ZFHX3: variants seen among roughly 807,000 people sequenced by gnomAD.
ZFHX3 encodes zinc finger homeobox protein 3.
Under a neutral mutation model 279.1 loss-of-function variants are expected in ZFHX3, and 42 were observed. The ratio of observed to expected loss-of-function variants is 0.15; its 90% CI spans 0.12 to 0.19. ZFHX3 has a LOEUF of 0.19. Among genes scored for constraint, ZFHX3 ranks in the 10% least tolerant of loss-of-function variants. The probability of loss-of-function intolerance (pLI) is 1.00; values close to 1 mark genes in which losing one functional copy is unlikely to be tolerated. For synonymous variants in ZFHX3, 2,293 were observed against 1,957.8 expected (o/e 1.17, Z -4.52); for missense variants, 4,981 against 4,754.0 (o/e 1.05, Z -1.40).
intron 2 of ZFHX3, among the ~76,000 whole-genome samples, chr16:73,556,135 G>A (rs1352103153): frequency 6.6e-6 from 1 of 152,164 alleles, no homozygotes; most frequent in Non-Finnish European, 1.5e-5. Flanking sequence ...GGCCTTAATT[G>A]GACCTCTGGA....
chr16:73,550,026 G>C (rs923643097), intron 2 of ZFHX3, among the ~76,000 whole-genome samples: 2 of 151,998 alleles, frequency 1.3e-5, no homozygotes, highest in African/African-American at 4.8e-5. Context: ...CTGTTCAGAC[G>C]GGCGAGGGGT....
intron 1 of ZFHX3, among the ~76,000 whole-genome samples, chr16:73,836,337 A>G (rs933608158): frequency 6.6e-6 from 1 of 152,202 alleles, no homozygotes; most frequent in Non-Finnish European, 1.5e-5. Flanking sequence ...ACATCAGAAA[A>G]AAACTGAGTA....
chr16:72,917,037 G>C (rs996164950), intron 3 of ZFHX3, among the ~76,000 whole-genome samples: 1 of 152,114 alleles, frequency 6.6e-6, no homozygotes, highest in East Asian at 1.9e-4. Context: ...CAAGGAGTTC[G>C]AGACCAGCCT....
chr16:73,260,143 A>C (rs776753533), intron 4 of ZFHX3, among the ~76,000 whole-genome samples: 4 of 152,178 alleles, frequency 2.6e-5, no homozygotes, highest in Non-Finnish European at 4.4e-5. Context: ...ATTTTGAAGA[A>C]TATCCCTCAT....
intron 1 of ZFHX3, among the ~76,000 whole-genome samples, chr16:73,002,373 C>G (rs1398550496): frequency 6.6e-6 from 1 of 152,098 alleles, no homozygotes; most frequent in African/African-American, 2.4e-5. Context: ...CCCCTAAGTC[C>G]TTCCACAAAG....
chr16:73,622,256 C>A (rs1325974530), intron 2 of ZFHX3, among the ~76,000 whole-genome samples: 4 of 152,142 alleles, frequency 2.6e-5, no homozygotes, highest in Non-Finnish European at 4.4e-5. Context: ...TTGGAGAGTT[C>A]TCTGTAAGAA....
intron 3 of ZFHX3, among the ~76,000 whole-genome samples, chr16:72,905,458 A>G (rs1020966227): frequency 6.6e-6 from 1 of 152,106 alleles, no homozygotes; most frequent in African/African-American, 2.4e-5. Context: ...TGTTATTTAC[A>G]TAGGTTTACT....
At chr16:73,833,540 T>C (rs550301693) in intron 1 of ZFHX3, among the ~76,000 whole-genome samples, 1 of 151,456 alleles carries the variant, frequency 6.6e-6, no homozygotes, top group South Asian at 2.1e-4. Flanking sequence ...CACTCATAAG[T>C]GGGAGTTGAA....
chr16:72,903,589 T>C (rs1228378513), intron 3 of ZFHX3, among the ~76,000 whole-genome samples: 2 of 152,150 alleles, frequency 1.3e-5, no homozygotes, highest in Non-Finnish European at 2.9e-5. Flanking sequence ...GGAACTATTA[T>C]TCTAGCCCAC....
intron 3 of ZFHX3, among the ~76,000 whole-genome samples, chr16:73,416,069 G>A (rs1350129516): frequency 4.8e-5 from 7 of 146,756 alleles, no homozygotes; most frequent in East Asian, 2.0e-4. Context: ...GTGCTGAGCC[G>A]AGAGATAATG....
At chr16:73,104,918 G>C (rs1966276997) in intron 7 of ZFHX3, among the ~76,000 whole-genome samples, 1 of 152,136 alleles carries the variant, frequency 6.6e-6, no homozygotes, top group Non-Finnish European at 1.5e-5. Flanking sequence ...TCACTTGACT[G>C]TGAGATCCCT....
At chr16:73,784,945 T>C (rs1205289479) in intron 1 of ZFHX3, among the ~76,000 whole-genome samples, 1 of 151,858 alleles carries the variant, frequency 6.6e-6, no homozygotes, top group Non-Finnish European at 1.5e-5. Context: ...AGGAAACCAC[T>C]TTCAGCTCTT....
At chr16:73,324,486 T>G (rs1197858694) in intron 3 of ZFHX3, among the ~76,000 whole-genome samples, 2 of 152,096 alleles carry the variant, frequency 1.3e-5, no homozygotes, top group Non-Finnish European at 2.9e-5. Flanking sequence ...AGAGAGGAAG[T>G]GATATGGTAG....
chr16:73,838,842 G>A (rs911462247), intron 1 of ZFHX3, among the ~76,000 whole-genome samples: 15 of 152,042 alleles, frequency 9.9e-5, no homozygotes, highest in African/African-American at 3.6e-4. Context: ...ATGAACTGGA[G>A]TTCTCTGAAG....
At chr16:73,051,454 T>G (rs888657014), upstream of ZFHX3, among the ~76,000 whole-genome samples, 1 of 152,180 alleles carries the variant, frequency 6.6e-6, no homozygotes, top group Admixed American at 6.5e-5. Context: ...TTCATAACCA[T>G]TGGAAGCTGG....
At chr16:73,424,881 G>A (rs762763844) in intron 3 of ZFHX3, among the ~76,000 whole-genome samples, 6 of 151,448 alleles carry the variant, frequency 4.0e-5, no homozygotes, top group Non-Finnish European at 8.8e-5. Context: ...AAAAGAGTTC[G>A]TTATTCTATA....
At chr16:73,692,736 G>A (rs1047328675) in intron 1 of ZFHX3, among the ~76,000 whole-genome samples, 4 of 152,180 alleles carry the variant, frequency 2.6e-5, no homozygotes, top group Admixed American at 2.6e-4. Flanking sequence ...ATTAAAGTAG[G>A]TATTTTTGTA....
In ZFHX3 at chr16:72,785,954, C is replaced by G. The variant is rs1486253248; in HGVS notation, c.*1210G>C. On this transcript the variant is annotated 3_prime_UTR_variant, in exon 10 of 10. Transcript: ENST00000268489. ...TAATCTGTGAGGATCCTAATGACCCCTAGAATCCCTTGAAATTCTTTCTTT... is the reference window on the plus strand; with the variant it reads ...TAATCTGTGAGGATCCTAATGACCCGTAGAATCCCTTGAAATTCTTTCTTT... The G allele has an allele frequency of 6.6e-6, 1 of 152,168 alleles. No homozygotes were observed. Among genetic ancestry groups the G allele is most frequent in the Non-Finnish European group, 1.5e-5 (1 of 68,026 alleles). The allele number at this position is 152,168 out of a possible 1,614,324, so 9.4% of individuals were successfully genotyped here.
chr16:72,786,711 T>C lies in ZFHX3; in HGVS notation c.*453A>G, dbSNP rs2035391422. 2 of 152,502 alleles carry C rather than the reference T, an allele frequency of 1.3e-5. No individual in the cohort carries two copies. The highest frequency in any genetic ancestry group is 3.8e-4 in the East Asian group (2 of 5,200). 9.4% of individuals were successfully genotyped at this position (152,502 alleles called of 1,614,324 possible). A position where few individuals can be genotyped will look rare whatever the true frequency, so the allele number is the denominator to read the frequency against. On this transcript the variant is annotated 3_prime_UTR_variant, in exon 10 of 10. Transcript: ENST00000268489. Reference sequence around the variant, plus strand: ...TTTTTTTCTTTTAGCAAGCCATTGGTATCTGAATGCTAAGATAGCAAGAAA... The same window carrying C: ...TTTTTTTCTTTTAGCAAGCCATTGGCATCTGAATGCTAAGATAGCAAGAAA...
Sources: allele counts gnomAD v4.1 joint callset (sites outside exome capture counted in the v4.1 genomes callset), GRCh38; gene constraint gnomAD v4.1.1; transcripts MANE v1.5; gene names NCBI Gene and HGNC (gene_info 2026-07-23, HGNC 2026-07-21).